SNX13: variants seen among roughly 807,000 people sequenced by gnomAD.
SNX13 encodes the protein sorting nexin-13.
In SNX13, 45 loss-of-function variants were observed where a neutral mutation model predicts 133.6. The observed-to-expected ratio is 0.34, with a 90% CI of 0.27 to 0.43. SNX13 has a LOEUF of 0.43. Among genes scored for constraint, SNX13 ranks in the 20% least tolerant of loss-of-function variants. The probability of loss-of-function intolerance (pLI) is 1.00; values close to 1 mark genes in which losing one functional copy is unlikely to be tolerated. For missense variants in SNX13, 1,032 were observed against 1,145.1 expected, an observed-to-expected ratio of 0.90 and a Z score of 1.43; for synonymous variants, 414 against 373.9, an observed-to-expected ratio of 1.11 and a Z score of -1.24.
intron 1 of SNX13, among the ~76,000 whole-genome samples, chr7:17,925,898 T>C (rs985161732): frequency 2.0e-5 from 3 of 152,244 alleles, no homozygotes; most frequent in East Asian, 1.9e-4. Context: ...AATTAGAACC[T>C]GGTTCTAACT....
chr7:17,937,634 T>TA (rs983822252), intron 1 of SNX13, among the ~76,000 whole-genome samples: 524 of 151,008 alleles, frequency 3.5e-3, no homozygotes, highest in African/African-American at 0.012. Flanking sequence ...TCACCTTGGT[T>TA]AAAAAAAAAT....
chr7:17,849,852 T>C (rs1273497443), intron 11 of SNX13, among the ~76,000 whole-genome samples: 1 of 152,246 alleles, frequency 6.6e-6, no homozygotes, highest in Non-Finnish European at 1.5e-5. Context: ...TCGAACCTCT[T>C]GGAACCTATC....
intron 1 of SNX13, among the ~76,000 whole-genome samples, chr7:17,913,813 G>C (rs1799270621): frequency 6.9e-6 from 1 of 144,950 alleles, no homozygotes; most frequent in Non-Finnish European, 1.5e-5. Flanking sequence ...AGATGAGAAG[G>C]AACCAGCACA....
chr7:17,852,731 TAA>T (rs1411613738), intron 9 of SNX13, among the ~76,000 whole-genome samples: 1 of 152,110 alleles, frequency 6.6e-6, no homozygotes, highest in African/African-American at 2.4e-5. Context: ...AATGATCATA[TAA>T]AGAGTGAAAA....
chr7:17,885,833 A>T (rs993629356), intron 5 of SNX13, among the ~76,000 whole-genome samples: 2 of 152,164 alleles, frequency 1.3e-5, no homozygotes, highest in Non-Finnish European at 2.9e-5. Context: ...GCCTCAAAAC[A>T]AAAACAAAAA....
intron 5 of SNX13, among the ~76,000 whole-genome samples, chr7:17,886,684 TCAA>T (rs1013988511): frequency 6.6e-5 from 10 of 152,294 alleles, no homozygotes; most frequent in South Asian, 6.2e-4. Flanking sequence ...ACTTTCAAGA[TCAA>T]CAACAAGGTT....
At chr7:17,869,288 T>C (rs1174561488) in intron 8 of SNX13, among the ~76,000 whole-genome samples, 1 of 152,130 alleles carries the variant, frequency 6.6e-6, no homozygotes, top group Non-Finnish European at 1.5e-5. Flanking sequence ...GGTCAACTTA[T>C]CTACTGAATT....
intron 21 of SNX13, among the ~76,000 whole-genome samples, chr7:17,802,334 A>T (rs899190954): frequency 2.6e-5 from 4 of 152,082 alleles, no homozygotes; most frequent in Admixed American, 1.3e-4. Context: ...CAGGGAACAG[A>T]GTTCCAATCT....
At chr7:17,909,825 C>A (rs765034292) in intron 1 of SNX13, among the ~76,000 whole-genome samples, 5 of 152,202 alleles carry the variant, frequency 3.3e-5, no homozygotes, top group African/African-American at 1.2e-4. Context: ...CACACACTTA[C>A]CTATGTAACA....
chr7:17,889,484 A>G (rs1186578087), intron 5 of SNX13: 1 of 152,144 alleles, frequency 6.6e-6, no homozygotes, highest in Non-Finnish European at 1.5e-5. Flanking sequence ...TGGTAGCAAC[A>G]TATTTTAATG....
chr7:17,903,053 G>A (rs1055743782), intron 1 of SNX13, among the ~76,000 whole-genome samples: 10 of 152,088 alleles, frequency 6.6e-5, no homozygotes, highest in African/African-American at 2.4e-4. Flanking sequence ...CACAGAGGTT[G>A]GGAACTGCTA....
intron 5 of SNX13, chr7:17,879,355 G>A (rs2128361295): frequency 6.6e-6 from 1 of 152,354 alleles, no homozygotes; most frequent in East Asian, 1.9e-4. Flanking sequence ...CAGGCACATA[G>A]CACTGCACTC....
chr7:17,812,427 A>G (rs1390730052), intron 20 of SNX13, among the ~76,000 whole-genome samples: 1 of 152,246 alleles, frequency 6.6e-6, no homozygotes, highest in East Asian at 1.9e-4. Flanking sequence ...AGAGAAATGC[A>G]TATCAAACCA....
At chr7:17,836,419 A>G (rs1036072929) in intron 13 of SNX13, among the ~76,000 whole-genome samples, 1 of 152,068 alleles carries the variant, frequency 6.6e-6, no homozygotes, top group African/African-American at 2.4e-5. Context: ...CGGGAGTCTG[A>G]GTCAAGAGAA....
chr7:17,847,242 C>T (rs1762117348), intron 11 of SNX13, among the ~76,000 whole-genome samples: 1 of 152,162 alleles, frequency 6.6e-6, no homozygotes, highest in African/African-American at 2.4e-5. Flanking sequence ...GGTGCACACA[C>T]ACACACACAC....
chr7:17,908,428 T>G (rs1405818015), intron 1 of SNX13, among the ~76,000 whole-genome samples: 1 of 152,224 alleles, frequency 6.6e-6, no homozygotes, highest in Non-Finnish European at 1.5e-5. Flanking sequence ...TTCTCTAGGA[T>G]GGATTACTTT....
At position 17,793,011 on chromosome 7, in the gene SNX13, A is replaced by G. The variant is rs1022946232; in HGVS notation, c.*1034T>C. ...TTCTTTTTTCATCATTTATTTTCATATATGTACACTGTCATAGAATTAGGA... is the reference window on the plus strand; with the variant it reads ...TTCTTTTTTCATCATTTATTTTCATGTATGTACACTGTCATAGAATTAGGA... On this transcript the variant is annotated 3_prime_UTR_variant, in exon 26 of 26. Coordinates refer to ENST00000428135, the MANE Select transcript of SNX13 (RefSeq NM_015132.5). The G allele has an allele frequency of 9.2e-5, 14 of 152,218 alleles. No homozygotes were observed. The highest frequency in any genetic ancestry group is 1.6e-4 in the Non-Finnish European group (11 of 67,842). The allele number at this position is 152,218 out of a possible 1,614,324, so 9.4% of individuals were successfully genotyped here.
At chr7:17,926,636 A>G (rs1405475924) in intron 1 of SNX13, among the ~76,000 whole-genome samples, 1 of 152,198 alleles carries the variant, frequency 6.6e-6, no homozygotes, top group East Asian at 1.9e-4. Flanking sequence ...CTGTAAATCC[A>G]TCACTTTGGG....
intron 11 of SNX13, among the ~76,000 whole-genome samples, chr7:17,849,630 G>A (rs1455461655): frequency 4.6e-5 from 7 of 151,974 alleles, no homozygotes; most frequent in East Asian, 3.9e-4. Flanking sequence ...CTAACCCCCC[G>A]GTTCTTCTAT....
Sources: gnomAD v4.1 joint callset for allele counts (sites outside exome capture counted in the v4.1 genomes callset) on GRCh38, gnomAD v4.1.1 for gene constraint, MANE v1.5 for transcripts, NCBI Gene and HGNC (gene_info 2026-07-23, HGNC 2026-07-21) for gene names.